Variants in BMERB1 observed in about 807,000 individuals in gnomAD.
BMERB1 encodes bMERB domain-containing protein 1.
A neutral mutation model predicts 23.6 loss-of-function variants in BMERB1; 12 were observed. That is an observed-to-expected ratio of 0.51 (90% confidence interval 0.33 to 0.82). The LOEUF (loss-of-function observed/expected upper bound fraction) is 0.82, where lower values mean the gene tolerates loss of function less well. Ranked by LOEUF, BMERB1 falls within the 40% of genes least tolerant of loss-of-function variation. The pLI, the probability that BMERB1 is intolerant of heterozygous loss-of-function variation, is 0.03. For synonymous variants in BMERB1, 122 were observed against 96.6 expected (o/e 1.26, Z -1.54); for missense variants, 247 against 255.4 (o/e 0.97, Z 0.22).
intron 1 of BMERB1, among the ~76,000 whole-genome samples, chr16:15,487,413 C>T (rs1162960970): frequency 1.3e-5 from 2 of 152,036 alleles, no homozygotes; most frequent in Non-Finnish European, 2.9e-5. Context: ...TCTTTTAGGG[C>T]AGGAGTCTGT....
At chr16:15,463,446 C>T (rs2051153893) in intron 1 of BMERB1, among the ~76,000 whole-genome samples, 2 of 152,024 alleles carry the variant, frequency 1.3e-5, no homozygotes, top group Non-Finnish European at 2.9e-5. Context: ...GAAGTGTGGT[C>T]AGGTTCAGTG....
intron 1 of BMERB1, among the ~76,000 whole-genome samples, chr16:15,498,224 C>T (rs1336977739): frequency 6.6e-6 from 1 of 151,764 alleles, no homozygotes; most frequent in East Asian, 1.9e-4. Context: ...TACCTGTGCC[C>T]TGGGAGCACA....
intron 1 of BMERB1, among the ~76,000 whole-genome samples, chr16:15,444,138 T>TTTG (rs981636381): frequency 7.6e-6 from 1 of 131,636 alleles, no homozygotes; most frequent in Non-Finnish European, 1.6e-5. Context: ...TTTTTTTTTT[T>TTTG]TTTTTTTTTT....
intron 1 of BMERB1, among the ~76,000 whole-genome samples, chr16:15,478,924 G>A (rs1254597555): frequency 6.6e-6 from 1 of 152,226 alleles, no homozygotes; most frequent in Non-Finnish European, 1.5e-5. Context: ...TCTGGATTCT[G>A]AAGCACAATG....
At chr16:15,445,761 G>A (rs763421151) in intron 1 of BMERB1, among the ~76,000 whole-genome samples, 12 of 152,064 alleles carry the variant, frequency 7.9e-5, no homozygotes, top group Non-Finnish European at 1.0e-4. Flanking sequence ...GGACCCAGAC[G>A]GTGCACTTCT....
intron 2 of BMERB1, among the ~76,000 whole-genome samples, chr16:15,555,638 G>A (rs530666323): frequency 3.9e-5 from 6 of 152,040 alleles, no homozygotes; most frequent in African/African-American, 1.4e-4. Context: ...GCCACAGAGA[G>A]AAAACAGACA....
At chr16:15,561,409 C>T (rs2030418143) in intron 2 of BMERB1, among the ~76,000 whole-genome samples, 1 of 151,648 alleles carries the variant, frequency 6.6e-6, no homozygotes, top group African/African-American at 2.4e-5. Flanking sequence ...CTGGGGATTA[C>T]AGGCATGTGC....
intron 1 of BMERB1, among the ~76,000 whole-genome samples, chr16:15,513,324 C>T (rs1567477503): frequency 6.6e-6 from 1 of 152,062 alleles, no homozygotes; most frequent in African/African-American, 2.4e-5. Flanking sequence ...CTGTGGATTG[C>T]TTAAGTGCTT....
chr16:15,520,148 A>G (rs1357816489), intron 2 of BMERB1, among the ~76,000 whole-genome samples: 1 of 152,134 alleles, frequency 6.6e-6, no homozygotes, highest in East Asian at 1.9e-4. Context: ...TTGAGGTCGG[A>G]GAGGCAAAGT....
rs751287668 is a variant in BMERB1 at position 15,586,788 on chromosome 16, A to T, written c.574A>T (p.Ile192Phe). 7 of 1,611,922 alleles carry T rather than the reference A, an allele frequency of 4.3e-6. No homozygotes were observed. The African/African-American group carries it at 8.0e-5, about 18-fold the overall frequency. ...GGTGGCCAAGACGGGGCTGGCACTG[A>T]TCAAGGATTGTTGCGGGGCCACCCA... ...PTVAKTGLAL[I>F]KDCCGATQCN... is the part of the protein sequence containing the mutation. Residue 192 changes from isoleucine (I) to phenylalanine (F), a missense_variant, in exon 6 of 6, where the codon ATC (isoleucine) becomes TTC (phenylalanine). Coordinates refer to ENST00000300006, the MANE Select transcript of BMERB1 (RefSeq NM_033201.3).
intron 2 of BMERB1, among the ~76,000 whole-genome samples, chr16:15,539,221 G>A (rs562735413): frequency 6.6e-6 from 1 of 152,280 alleles, no homozygotes; most frequent in South Asian, 2.1e-4. Flanking sequence ...CCTATAAGGA[G>A]CGTGCAACCT....
At chr16:15,583,272 CAA>C (rs758227423) in intron 5 of BMERB1, 34 bp downstream of exon 5, 45 of 1,508,000 alleles carry the variant, frequency 3.0e-5, no homozygotes, top group South Asian at 7.9e-5. Context: ...CCCTCCCCCA[CAA>C]AAGAGAAAAG....
At chr16:15,574,095 G>T (rs2030799903) in intron 3 of BMERB1, among the ~76,000 whole-genome samples, 1 of 150,764 alleles carries the variant, frequency 6.6e-6, no homozygotes, top group African/African-American at 2.4e-5. Flanking sequence ...AGCTGGGGAA[G>T]CCTCAGGAAA....
intron 2 of BMERB1, among the ~76,000 whole-genome samples, chr16:15,560,816 TAAATAA>T (rs1040325369): frequency 2.4e-4 from 36 of 151,412 alleles, no homozygotes; most frequent in African/African-American, 8.7e-4. Context: ...ATAAAATAAA[TAAATAA>T]AAATAAAAAC....
chr16:15,550,344 C>T (rs1260498765), intron 2 of BMERB1, among the ~76,000 whole-genome samples: 2 of 151,604 alleles, frequency 1.3e-5, no homozygotes, highest in Non-Finnish European at 2.9e-5. Flanking sequence ...CTCCTTGGAA[C>T]TGCCACTGGT....
intron 5 of BMERB1, chr16:15,584,072 G>A (rs1173259669): frequency 1.4e-6 from 1 of 701,962 alleles, no homozygotes; most frequent in African/African-American, 1.7e-5. Context: ...GATCCTCAGA[G>A]CAAAGAGGGT....
chr16:15,576,776 A>G (rs963890726), intron 3 of BMERB1, among the ~76,000 whole-genome samples: 2 of 152,036 alleles, frequency 1.3e-5, no homozygotes, highest in African/African-American at 4.8e-5. Flanking sequence ...TGACTGGGGT[A>G]AATACCCAAG....
chr16:15,452,291 AAAAAG>A (rs1482250953), intron 1 of BMERB1, among the ~76,000 whole-genome samples: 6 of 147,356 alleles, frequency 4.1e-5, no homozygotes, highest in Non-Finnish European at 1.5e-5. Context: ...TTAAAAAAAA[AAAAAG>A]AAAAGAAGGA....
chr16:15,463,631 T>G (rs1416795898), intron 1 of BMERB1, among the ~76,000 whole-genome samples: 3 of 152,130 alleles, frequency 2.0e-5, no homozygotes, highest in African/African-American at 7.2e-5. Context: ...ATATTTTCAG[T>G]GTAGCCTTAA....
Sources: allele counts gnomAD v4.1 joint callset (sites outside exome capture counted in the v4.1 genomes callset), GRCh38; gene constraint gnomAD v4.1.1; transcripts MANE v1.5; gene names NCBI Gene and HGNC (gene_info 2026-07-23, HGNC 2026-07-21).